The following DNAH14 variants were observed in gnomAD, a reference collection of about 807,000 sequenced individuals.
The protein encoded by DNAH14 is axonemal beta dynein heavy chain 14.
DNAH14 carries 478 observed loss-of-function variants against 520.9 expected under a neutral mutation model. That is an observed-to-expected ratio of 0.92 (90% CI 0.85 to 0.99). The LOEUF (loss-of-function observed/expected upper bound fraction) is 0.99, where lower values mean the gene tolerates loss of function less well. Among genes scored for constraint, DNAH14 ranks in the 50% least tolerant of loss-of-function variants. DNAH14 has a pLI of 0.00. For missense variants in DNAH14, 4,831 were observed against 5,234.5 expected, an observed-to-expected ratio of 0.92 and a Z score of 2.38; for synonymous variants, 1,581 against 1,757.2, an observed-to-expected ratio of 0.90 and a Z score of 2.51.
intron 74 of DNAH14, 97 bp from the exon 75 acceptor site, chr1:225,360,584 C>G: frequency 8.5e-7 from 1 of 1,177,980 alleles, no homozygotes; most frequent in Non-Finnish European, 1.2e-6. Flanking sequence ...ATGACTATAC[C>G]TTTTCCCAAC....
Position 225,140,881 on chromosome 1 carries a change from C to G in DNAH14, c.4368C>G (p.Asp1456Glu). The G allele has an allele frequency of 6.4e-7, 1 of 1,551,160 alleles. No homozygotes were observed. Among genetic ancestry groups the G allele is most frequent in the South Asian group, 1.2e-5 (1 of 84,042 alleles). The part of the protein sequence containing the change: ...GLMCHLEEVA[D>E]LVVLDTSNSR... ...TGTGTCATCTAGAAGAGGTTGCAGA[C>G]CTGGTAGTGCTGGATACTAGTAACT... is the stretch of plus-strand genomic sequence containing the variant. The change falls in exon 28 of 86, where the codon GAC (aspartate) becomes GAG (glutamate). Residue 1456 changes from aspartate (D) to glutamate (E), a missense_variant. Physicochemically the swap from Asp to Glu is conservative, Grantham distance 45. Transcript: ENST00000682510.
Position 225,082,642 on chromosome 1 carries a change from G to T in DNAH14, c.3230G>T (p.Cys1077Phe), listed in dbSNP as rs1230151749. 2 of 1,551,604 alleles carry T rather than the reference G, an allele frequency of 1.3e-6. No individual in the cohort carries two copies. Among genetic ancestry groups the T allele is most frequent in the East Asian group, 2.4e-5 (1 of 40,890 alleles). Residue 1077 changes from cysteine to phenylalanine, a missense_variant, in exon 20 of 86, where the codon TGT (cysteine) becomes TTT (phenylalanine). Transcript: ENST00000682510. ...LPIIIALGNPCLKPRHWEALQ... is the reference protein window; with the variant it reads ...LPIIIALGNPFLKPRHWEALQ... The stretch of plus-strand genomic sequence containing the variant: ...ATCATTATAGCTCTGGGAAATCCCT[G>T]TCTCAAGCCAAGGCATTGGGAGGCT...
intron 25 of DNAH14, chr1:225,118,276 C>T: frequency 4.4e-6 from 2 of 455,382 alleles, no homozygotes; most frequent in South Asian, 2.7e-5. Flanking sequence ...CCTTAAGTTT[C>T]CTACTCTCTT....
At chr1:225,251,225 G>T (rs921163605) in intron 43 of DNAH14, among the ~76,000 whole-genome samples, 1 of 150,414 alleles carries the variant, frequency 6.6e-6, no homozygotes, top group African/African-American at 2.5e-5. Context: ...CCAGGCTATA[G>T]TGCAATAGCG....
intron 31 of DNAH14, among the ~76,000 whole-genome samples, chr1:225,148,546 C>G (rs1462138119): frequency 6.6e-6 from 1 of 151,912 alleles, no homozygotes; most frequent in African/African-American, 2.4e-5. Flanking sequence ...GGATTACAGG[C>G]ATGTGCCAGC....
rs1413755912 is a variant in DNAH14 at position 224,929,774 on chromosome 1, C to G, written c.-95C>G. The G allele has an allele frequency of 5.7e-6, 4 of 701,272 alleles. No individual in the cohort carries two copies. Among genetic ancestry groups the G allele is most frequent in the African/African-American group, 5.2e-5 (3 of 57,216 alleles). 43.4% of individuals were successfully genotyped at this position (701,272 alleles called of 1,614,324 possible). A position where few individuals can be genotyped will look rare whatever the true frequency, so the allele number is the denominator to read the frequency against. On this transcript the variant is annotated 5_prime_UTR_variant, in exon 1 of 86. Coordinates refer to ENST00000682510, the MANE Select transcript of DNAH14 (RefSeq NM_001367479.1). ...CTAGTCTGGCGCTCGCCGGCGTGGG[C>G]GGGCCGGACCTTCGCCGCTTCCAGG...
chr1:225,140,849 G>T lies in DNAH14; in HGVS notation c.4336G>T (p.Gly1446Cys). Residue 1446 changes from glycine (G) to cysteine (C), a missense_variant, in exon 28 of 86, where the codon GGT (glycine) becomes TGT (cysteine). Gly to Cys is a radical substitution (Grantham distance 159). Transcript: ENST00000682510. ...SREKLEKVHA[G>C]LMCHLEEVAD... ...AGAAAAATTGGAAAAAGTCCACGCT[G>T]GTCTGATGTGTCATCTAGAAGAGGT... The T allele has an allele frequency of 6.4e-7, 1 of 1,551,124 alleles. No homozygotes were observed. The highest frequency in any genetic ancestry group is 1.2e-5 in the South Asian group (1 of 84,040).
At chr1:225,298,723 G>A (rs1462665495) in intron 55 of DNAH14, among the ~76,000 whole-genome samples, 1 of 152,194 alleles carries the variant, frequency 6.6e-6, no homozygotes, top group East Asian at 1.9e-4. Flanking sequence ...GTGAGGGTGG[G>A]TGGGAAGTAC....
intron 27 of DNAH14, among the ~76,000 whole-genome samples, chr1:225,132,195 T>TG (rs1401818596): frequency 1.3e-5 from 2 of 148,224 alleles, no homozygotes; most frequent in East Asian, 2.0e-4. Flanking sequence ...AAGTTGTTGT[T>TG]TTTTTTTTCA....
chr1:224,997,197 G>A (rs1202448671), intron 8 of DNAH14, among the ~76,000 whole-genome samples: 2 of 152,058 alleles, frequency 1.3e-5, no homozygotes, highest in African/African-American at 4.8e-5. Flanking sequence ...GACCCTAGGT[G>A]GTCTAGCCAT....
At position 225,080,412 on chromosome 1, in the gene DNAH14, C is replaced by T. The variant is rs188000179; in HGVS notation, c.2800C>T (p.Gln934Ter). 2 of 1,548,246 alleles carry T rather than the reference C, an allele frequency of 1.3e-6. No individual in the cohort carries two copies. Among genetic ancestry groups the T allele is most frequent in the Admixed American group, 4.0e-5 (2 of 50,610 alleles). The change falls in exon 19 of 86, where the codon CAA (glutamine) becomes TAA (stop). Residue 934 changes from glutamine to a stop codon, truncating the protein, a stop_gained. Transcript: ENST00000682510. LOFTEE classifies it high-confidence loss of function. ...TCCTCTTCTGTTATGTGCTGGTACT[C>T]AAGTGTCAACAGCAATGGAAATGAT... ...RTPLLLCAGT[Q>*]VSTAMEMIQT...
intron 27 of DNAH14, among the ~76,000 whole-genome samples, chr1:225,139,111 A>T (rs1218163674): frequency 6.6e-6 from 1 of 152,188 alleles, no homozygotes; most frequent in East Asian, 1.9e-4. Context: ...AGTTATTATT[A>T]TCAAATCTTC....
chr1:225,146,321 G>T (rs1211154298), intron 30 of DNAH14, among the ~76,000 whole-genome samples: 1 of 152,116 alleles, frequency 6.6e-6, no homozygotes, highest in Non-Finnish European at 1.5e-5. Context: ...TCGGTCTGAG[G>T]CTCTCACTTA....
intron 77 of DNAH14, 143 bp from the exon 78 acceptor site, chr1:225,374,545 G>A: frequency 1.4e-6 from 1 of 725,910 alleles, no homozygotes; most frequent in South Asian, 3.1e-5. Context: ...ACAGGCGTGA[G>A]CCACTGCACC....
At chr1:225,097,349 C>A in intron 22 of DNAH14, 110 bp downstream of exon 22, 2 of 1,052,294 alleles carry the variant, frequency 1.9e-6, no homozygotes, top group South Asian at 2.1e-5. Flanking sequence ...TCTTATCCTA[C>A]CTACAGACAT....
intron 36 of DNAH14, among the ~76,000 whole-genome samples, chr1:225,172,226 C>A (rs1040511019): frequency 1.3e-5 from 2 of 152,156 alleles, no homozygotes; most frequent in African/African-American, 4.8e-5. Context: ...CCTCTCTCAC[C>A]ACTCCTATTC....
chr1:224,938,298 G>C (rs573487850), intron 1 of DNAH14, among the ~76,000 whole-genome samples: 27 of 152,056 alleles, frequency 1.8e-4, no homozygotes, highest in Non-Finnish European at 2.9e-4. Flanking sequence ...CTAAGCATAT[G>C]ACAAGGGATT....
intron 81 of DNAH14, among the ~76,000 whole-genome samples, chr1:225,385,180 C>T (rs937603799): frequency 6.6e-6 from 1 of 151,502 alleles, no homozygotes; most frequent in African/African-American, 2.4e-5. Flanking sequence ...ATTCAACAAC[C>T]CTTCATGCTA....
chr1:225,332,109 T>C (rs2094811233), intron 65 of DNAH14, among the ~76,000 whole-genome samples: 1 of 152,196 alleles, frequency 6.6e-6, no homozygotes, highest in African/African-American at 2.4e-5. Context: ...TTTTTATTTC[T>C]CCTCTGGTTC....
Sources: allele counts gnomAD v4.1 joint callset (sites outside exome capture counted in the v4.1 genomes callset), GRCh38; gene constraint gnomAD v4.1.1; transcripts MANE v1.5; gene names NCBI Gene and HGNC (gene_info 2026-07-23, HGNC 2026-07-21).